FAR2: variants seen among roughly 807,000 people sequenced by gnomAD.
FAR2 encodes epididymis secretory protein Li 81.
FAR2 carries 19 observed loss-of-function variants against 56.0 expected under a neutral mutation model. The observed-to-expected ratio is 0.34, with a 90% confidence interval of 0.24 to 0.50. The LOEUF (loss-of-function observed/expected upper bound fraction) is 0.50. Among genes scored for constraint, FAR2 ranks in the 20% least tolerant of loss-of-function variants. The pLI, the probability that FAR2 is intolerant of heterozygous loss-of-function variation, is 0.98. For synonymous variants in FAR2, 219 were observed against 218.8 expected (o/e 1.00, Z -0.01); for missense variants, 508 against 642.2 (o/e 0.79, Z 2.26).
intron 1 of FAR2, among the ~76,000 whole-genome samples, chr12:29,159,997 A>C (rs1761067534): frequency 1.3e-5 from 2 of 152,192 alleles, no homozygotes; most frequent in Admixed American, 1.3e-4. Flanking sequence ...AAGATCAAAA[A>C]CCAACCATCT....
chr12:29,277,134 C>T (rs916967617), intron 2 of FAR2, among the ~76,000 whole-genome samples: 6 of 152,088 alleles, frequency 3.9e-5, no homozygotes, highest in Non-Finnish European at 7.4e-5. Flanking sequence ...TCTGCCACCG[C>T]GCCTGGCTAA....
chr12:29,281,756 AAC>A (rs1349769659), intron 2 of FAR2, among the ~76,000 whole-genome samples: 1 of 150,734 alleles, frequency 6.6e-6, no homozygotes, highest in Non-Finnish European at 1.5e-5. Flanking sequence ...AAAAAAAAAA[AAC>A]TGGAATGCAT....
intron 2 of FAR2, among the ~76,000 whole-genome samples, chr12:29,274,187 TC>T (rs1565499724): frequency 2.6e-5 from 2 of 76,012 alleles, no homozygotes; most frequent in Non-Finnish European, 2.5e-5. Flanking sequence ...ATGCTATCCC[TC>T]CCCCCTCCCC....
intron 1 of FAR2, among the ~76,000 whole-genome samples, chr12:29,228,648 C>T (rs11830818): frequency 1.2e-3 from 190 of 152,216 alleles, no homozygotes; most frequent in African/African-American, 4.3e-3. Flanking sequence ...AGTGCAGTGG[C>T]GCAGTCTCGA....
At position 29,297,197 on chromosome 12, in the gene FAR2, T is replaced by C. The variant is rs755121309; in HGVS notation, c.542T>C (p.Leu181Pro). The C allele has an allele frequency of 3.1e-6, 5 of 1,610,326 alleles. No individual in the cohort carries two copies. Among genetic ancestry groups the C allele is most frequent in the Non-Finnish European group, 4.2e-6 (5 of 1,178,810 alleles). ...PVEPKKIIDS[L>P]EWLDDAIIDE... ...GAGCCAAAAAAAATCATTGATTCCC[T>C]TGAGTAAGTTGGTCTAATAAAAGGA... The change falls in exon 4 of 12, where the codon CTT becomes CCT. Residue 181 changes from leucine to proline, a missense_variant. Physicochemically the swap from Leu to Pro is moderately conservative, Grantham distance 98. Transcript: ENST00000536681.
intron 1 of FAR2, among the ~76,000 whole-genome samples, chr12:29,229,605 T>G (rs1947822458): frequency 6.6e-6 from 1 of 152,198 alleles, no homozygotes. Flanking sequence ...GAATCTTTAT[T>G]GTCTACCAAA....
At chr12:29,154,382 T>TAA (rs1302244476) in intron 1 of FAR2, among the ~76,000 whole-genome samples, 1 of 152,140 alleles carries the variant, frequency 6.6e-6, no homozygotes, top group Non-Finnish European at 1.5e-5. Context: ...ACTCTTGATT[T>TAA]AACCTACTTA....
chr12:29,310,995 G>A (rs760974055), intron 6 of FAR2, 33 bp from the exon 7 acceptor site: 1 of 1,511,136 alleles, frequency 6.6e-7, no homozygotes, highest in Non-Finnish European at 9.2e-7. Flanking sequence ...TTTAAGACCT[G>A]GTTTAATATT....
intron 1 of FAR2, among the ~76,000 whole-genome samples, chr12:29,199,625 G>T (rs1322246702): frequency 1.5e-5 from 2 of 132,362 alleles, no homozygotes; most frequent in South Asian, 2.4e-4. Context: ...AGAAAGAAAA[G>T]AAACAAACAA....
chr12:29,297,276 T>C (rs1949087736), intron 4 of FAR2, 76 bp downstream of exon 4: 2 of 1,367,854 alleles, frequency 1.5e-6, no homozygotes, highest in East Asian at 2.4e-5. Flanking sequence ...TTGTAGCTAT[T>C]AATGAGATGA....
chr12:29,160,428 C>T (rs1315804792), intron 1 of FAR2, among the ~76,000 whole-genome samples: 2 of 152,146 alleles, frequency 1.3e-5, no homozygotes, highest in Non-Finnish European at 2.9e-5. Context: ...TGGGTGTTTC[C>T]GGTGCAGAAG....
chr12:29,235,016 T>G (rs1388618866), intron 1 of FAR2, among the ~76,000 whole-genome samples: 1 of 152,196 alleles, frequency 6.6e-6, no homozygotes, highest in Non-Finnish European at 1.5e-5. Context: ...AAAACAACAC[T>G]TATGTATGTT....
intron 1 of FAR2, among the ~76,000 whole-genome samples, chr12:29,214,506 A>G (rs566641619): frequency 6.6e-6 from 1 of 152,288 alleles, no homozygotes; most frequent in South Asian, 2.1e-4. Flanking sequence ...CCTAGAACAC[A>G]AGAACATGAA....
intron 1 of FAR2, among the ~76,000 whole-genome samples, chr12:29,258,182 T>TAAA (rs3032977): frequency 3.0e-4 from 44 of 146,158 alleles, no homozygotes; most frequent in Non-Finnish European, 1.9e-4. Context: ...TGTCTTTACT[T>TAAA]AAAAAAAAAA....
chr12:29,191,585 A>G (rs1950103444), intron 1 of FAR2, among the ~76,000 whole-genome samples: 1 of 152,242 alleles, frequency 6.6e-6, no homozygotes, highest in Non-Finnish European at 1.5e-5. Context: ...TGTACTTGAC[A>G]GAAACACCTA....
At chr12:29,288,867 A>G (rs1948914713) in intron 2 of FAR2, among the ~76,000 whole-genome samples, 1 of 152,198 alleles carries the variant, frequency 6.6e-6, no homozygotes, top group Admixed American at 6.5e-5. Flanking sequence ...AATGAATGGC[A>G]TACTGTCAGG....
chr12:29,321,748 AG>A (rs753593537), intron 9 of FAR2, 46 bp from the exon 10 acceptor site: 7 of 1,599,062 alleles, frequency 4.4e-6, no homozygotes, highest in African/African-American at 2.7e-5. Flanking sequence ...GTAGAGTGAC[AG>A]GGAAGTGGTG....
At chr12:29,217,546 A>G (rs543331592) in intron 1 of FAR2, among the ~76,000 whole-genome samples, 127 of 152,340 alleles carry the variant, frequency 8.3e-4, no homozygotes, top group African/African-American at 2.8e-3. Context: ...AAAAGCCTAT[A>G]ATACACACAG....
intron 1 of FAR2, among the ~76,000 whole-genome samples, chr12:29,227,488 G>A (rs12309283): frequency 0.05 from 7,650 of 152,156 alleles, 459 homozygotes; most frequent in African/African-American, 0.15. Context: ...TCAGTTATGA[G>A]GAAGAAGTAG....
Sources: allele counts gnomAD v4.1 joint callset (sites outside exome capture counted in the v4.1 genomes callset), GRCh38; gene constraint gnomAD v4.1.1; transcripts MANE v1.5; gene names NCBI Gene and HGNC (gene_info 2026-07-23, HGNC 2026-07-21).